GAP43: variants seen among roughly 807,000 people sequenced by gnomAD.
GAP43 encodes the protein neuromodulin.
Under a neutral mutation model 18.6 loss-of-function variants are expected in GAP43, and 6 were observed. The observed-to-expected ratio is 0.32, with a 90% CI of 0.18 to 0.64. GAP43 has a LOEUF of 0.64. GAP43 is among the 30% of genes least tolerant of loss of function. The pLI, the probability that GAP43 is intolerant of heterozygous loss-of-function variation, is 0.78. For synonymous variants in GAP43, 115 were observed against 111.4 expected, an observed-to-expected ratio of 1.03 and a Z score of -0.20; for missense variants, 292 against 295.5, an observed-to-expected ratio of 0.99 and a Z score of 0.09.
At chr3:115,692,099 C>CA (rs1709123008) in intron 2 of GAP43, among the ~76,000 whole-genome samples, 1 of 152,130 alleles carries the variant, frequency 6.6e-6, no homozygotes, top group Admixed American at 6.5e-5. Context: ...ATATTCTTGG[C>CA]AAAATGACCT....
intron 2 of GAP43, among the ~76,000 whole-genome samples, chr3:115,681,571 C>A (rs959878075): frequency 6.6e-6 from 1 of 152,134 alleles, no homozygotes; most frequent in African/African-American, 2.4e-5. Context: ...GTATTTCTAC[C>A]AACCAGATTT....
chr3:115,627,840 T>G (rs1473723585), intron 1 of GAP43, among the ~76,000 whole-genome samples: 4 of 152,166 alleles, frequency 2.6e-5, no homozygotes, highest in African/African-American at 9.7e-5. Context: ...TTTGTACCTT[T>G]GTAATTAAAT....
At chr3:115,637,779 T>A (rs1210501442) in intron 1 of GAP43, among the ~76,000 whole-genome samples, 1 of 152,004 alleles carries the variant, frequency 6.6e-6, no homozygotes, top group Admixed American at 6.6e-5. Context: ...TCTCAACAGG[T>A]CTTAAAAGTA....
In GAP43 at chr3:115,632,415, A is replaced by G. The variant is rs1339557291; in HGVS notation, c.30+8696A>G. On this transcript the variant is annotated intron_variant, in intron 1 of 2. Coordinates refer to ENST00000305124, the MANE Select transcript of GAP43 (RefSeq NM_002045.4). ...GGAATAAACCTTGATTAGAGAGGTG[A>G]TATGTAATCCTAAACCTTTCCAAAC... 2.6e-5 allele frequency among the ~76,000 whole-genome samples: 4 copies of G among 152,286 alleles called. No individual in the cohort carries two copies. The East Asian group carries it at 7.7e-4, about 29-fold the overall frequency.
At chr3:115,706,708 C>T (rs559947459) in intron 2 of GAP43, among the ~76,000 whole-genome samples, 1 of 152,136 alleles carries the variant, frequency 6.6e-6, no homozygotes, top group Non-Finnish European at 1.5e-5. Flanking sequence ...ACTTTGGTCT[C>T]TGACTTCAAA....
intron 1 of GAP43, among the ~76,000 whole-genome samples, chr3:115,647,653 A>G (rs1334375690): frequency 2.0e-5 from 3 of 151,334 alleles, no homozygotes; most frequent in East Asian, 1.9e-4. Flanking sequence ...CCTAAAAAAT[A>G]GTGGAGAGTG....
In GAP43 at chr3:115,641,510, T is replaced by TCACACACACACACACACA. The variant is rs376412583; in HGVS notation, c.30+17807_30+17824dup. Among the ~76,000 whole-genome samples the TCACACACACACACACACA allele has an allele frequency of 2.0e-3, 210 of 107,050 alleles. 1 individual carries two copies. Among genetic ancestry groups the TCACACACACACACACACA allele is most frequent in the African/African-American group, 3.0e-3 (85 of 27,908 alleles). 70.2% of individuals were successfully genotyped at this position (107,050 alleles called of 152,430 possible). ...GTGCATATATTATACATATATATAT[T>TCACACACACACACACACA]CACACACACACACACACACACACAC... On this transcript the variant is annotated intron_variant, in intron 1 of 2. Coordinates refer to ENST00000305124, the MANE Select transcript of GAP43 (RefSeq NM_002045.4).
chr3:115,677,690 G>A (rs556070364), intron 2 of GAP43, among the ~76,000 whole-genome samples: 72 of 152,274 alleles, frequency 4.7e-4, no homozygotes, highest in African/African-American at 1.6e-3. Context: ...CTTTAGAAGC[G>A]CCTCGGTTTA....
At chr3:115,647,852 C>T (rs1708476160) in intron 1 of GAP43, among the ~76,000 whole-genome samples, 1 of 151,744 alleles carries the variant, frequency 6.6e-6, no homozygotes, top group South Asian at 2.1e-4. Flanking sequence ...TTTATGGCAC[C>T]TATGCATGCA....
intron 2 of GAP43, among the ~76,000 whole-genome samples, chr3:115,708,045 CAAGT>C (rs1709387444): frequency 6.6e-6 from 1 of 151,728 alleles, no homozygotes; most frequent in Non-Finnish European, 1.5e-5. Context: ...ACATATATAC[CAAGT>C]ATCTAGAAAC....
At chr3:115,638,487 C>T (rs1708356955) in intron 1 of GAP43, among the ~76,000 whole-genome samples, 1 of 151,704 alleles carries the variant, frequency 6.6e-6, no homozygotes, top group Non-Finnish European at 1.5e-5. Flanking sequence ...GAGTGGTGTC[C>T]AAGTCACTCT....
At chr3:115,638,616 C>T (rs906915271) in intron 1 of GAP43, among the ~76,000 whole-genome samples, 32 of 151,400 alleles carry the variant, frequency 2.1e-4, no homozygotes, top group African/African-American at 6.8e-4. Context: ...AGCTTTAAAA[C>T]CCACCCCTCT....
At chr3:115,663,430 T>G (rs956725431) in intron 1 of GAP43, 2 of 625,138 alleles carry the variant, frequency 3.2e-6, no homozygotes, top group Non-Finnish European at 4.1e-6. Context: ...ATTTATTAAA[T>G]AGCCATAGTT....
chr3:115,628,275 C>G (rs951073451), intron 1 of GAP43, among the ~76,000 whole-genome samples: 1 of 151,940 alleles, frequency 6.6e-6, no homozygotes, highest in Non-Finnish European at 1.5e-5. Flanking sequence ...ATGCCCTGCT[C>G]TTTCTTGAGA....
intron 1 of GAP43, among the ~76,000 whole-genome samples, chr3:115,635,269 A>C (rs1204066524): frequency 2.6e-5 from 4 of 152,128 alleles, no homozygotes; most frequent in Admixed American, 2.6e-4. Flanking sequence ...CTTTCACGAT[A>C]ATCCTCTTCA....
At chr3:115,673,332 T>G (rs1708838312) in intron 1 of GAP43, among the ~76,000 whole-genome samples, 1 of 152,182 alleles carries the variant, frequency 6.6e-6, no homozygotes, top group Non-Finnish European at 1.5e-5. Flanking sequence ...TCCTTCTCTT[T>G]GTGATTTCCA....
At chr3:115,669,553 G>A (rs1180716344) in intron 1 of GAP43, among the ~76,000 whole-genome samples, 1 of 152,178 alleles carries the variant, frequency 6.6e-6, no homozygotes, top group Non-Finnish European at 1.5e-5. Context: ...GGCATCAGTT[G>A]CAATACATTA....
intron 1 of GAP43, chr3:115,663,968 A>C (rs1394214538): frequency 6.6e-7 from 1 of 1,510,752 alleles, no homozygotes; most frequent in East Asian, 2.5e-5. Flanking sequence ...TAAAACCCTG[A>C]CTCTGCCACT....
intron 2 of GAP43, among the ~76,000 whole-genome samples, chr3:115,683,147 G>GCGCACACACACACA (rs1252333447): frequency 3.4e-4 from 43 of 127,444 alleles, no homozygotes; most frequent in African/African-American, 9.4e-4. Context: ...GCGCGCGCGC[G>GCGCACACACACACA]CACACACACA....
Sources: gnomAD v4.1 joint callset for allele counts (sites outside exome capture counted in the v4.1 genomes callset) on GRCh38, gnomAD v4.1.1 for gene constraint, MANE v1.5 for transcripts, NCBI Gene and HGNC (gene_info 2026-07-23, HGNC 2026-07-21) for gene names.